Variants in ING5 observed in about 807,000 individuals in gnomAD.
ING5 encodes inhibitor of growth protein 5.
In ING5, 17 loss-of-function variants were observed where a neutral mutation model predicts 37.4. The ratio of observed to expected loss-of-function variants is 0.45; its 90% CI spans 0.31 to 0.68. ING5 has a LOEUF of 0.68. ING5 is among the 30% of genes least tolerant of loss of function. The pLI, the probability that ING5 is intolerant of heterozygous loss-of-function variation, is 0.05. For missense variants in ING5, 233 were observed against 311.9 expected, an observed-to-expected ratio of 0.75 and a Z score of 1.91; for synonymous variants, 123 against 116.6, an observed-to-expected ratio of 1.06 and a Z score of -0.36.
intron 2 of ING5, among the ~76,000 whole-genome samples, chr2:241,693,502 T>A (rs1195022573): frequency 6.6e-6 from 1 of 151,850 alleles, no homozygotes; most frequent in Non-Finnish European, 1.5e-5. Context: ...GACATACCCC[T>A]TGTTGCAACC....
At chr2:241,707,493 T>C (rs190775332) in intron 2 of ING5, among the ~76,000 whole-genome samples, 1 of 151,542 alleles carries the variant, frequency 6.6e-6, no homozygotes, top group Non-Finnish European at 1.5e-5. Flanking sequence ...GGTTTCTCCA[T>C]GTTGGTCAGG....
intron 5 of ING5, among the ~76,000 whole-genome samples, chr2:241,717,130 A>G (rs1217049820): frequency 6.7e-6 from 1 of 149,378 alleles, no homozygotes; most frequent in Non-Finnish European, 1.5e-5. Context: ...GCTGGAGTGC[A>G]GTGGTGCGAT....
In ING5 at chr2:241,728,016, C is replaced by G. The variant is rs953988558; in HGVS notation, c.*2985C>G. On this transcript the variant is annotated 3_prime_UTR_variant, in exon 8 of 8. Coordinates refer to ENST00000313552, the MANE Select transcript of ING5 (RefSeq NM_032329.6). ...TTTTAATGTTTACTTTTGCCACTTA[C>G]AATAATATCACCAAAATAATATGCA... 2.6e-5 allele frequency: 4 copies of G among 152,238 alleles called. No homozygotes were observed. The highest frequency in any genetic ancestry group is 7.2e-5 in the African/African-American group (3 of 41,450). 9.4% of individuals were successfully genotyped at this position (152,238 alleles called of 1,614,324 possible).
At chr2:241,706,363 C>T (rs1484826962) in intron 2 of ING5, among the ~76,000 whole-genome samples, 1 of 152,048 alleles carries the variant, frequency 6.6e-6, no homozygotes, top group Non-Finnish European at 1.5e-5. Flanking sequence ...GGCACGGTGG[C>T]TCATGCCTGT....
chr2:241,722,910 C>T, intron 5 of ING5, 29 bp from the exon 6 acceptor site: 1 of 1,612,368 alleles, frequency 6.2e-7, no homozygotes, highest in Non-Finnish European at 8.5e-7. Flanking sequence ...CCATGGCCTT[C>T]AGTGGTGCCT....
intron 2 of ING5, among the ~76,000 whole-genome samples, chr2:241,693,745 C>T (rs1172596158): frequency 1.3e-5 from 2 of 150,212 alleles, no homozygotes; most frequent in East Asian, 4.0e-4. Context: ...GCAACCTCCA[C>T]CTCCCAGGTT....
intron 2 of ING5, among the ~76,000 whole-genome samples, chr2:241,706,991 C>G (rs2124895247): frequency 7.6e-6 from 1 of 130,724 alleles, no homozygotes; most frequent in Middle Eastern, 5.2e-3. Flanking sequence ...TGGAGTTTCA[C>G]TCTTGTTGCC....
intron 7 of ING5, chr2:241,724,645 C>G: frequency 2.8e-6 from 1 of 352,198 alleles, no homozygotes; most frequent in East Asian, 5.9e-5. Context: ...TCAACGCGTG[C>G]TTGGTACCTG....
At position 241,721,619 on chromosome 2, in the gene ING5, T is replaced by C. The variant is rs542308441; in HGVS notation, c.483-1320T>C. The C allele has an allele frequency of 8.1e-6, 8 of 985,456 alleles. No homozygotes were observed. In the African/African-American group the frequency reaches 1.4e-4, roughly 17 times the overall value. The allele number at this position is 985,456 out of a possible 1,614,324, so 61.0% of individuals were successfully genotyped here. ...TGGCTTTCCCTGATCGTGACTGTTT[T>C]TCTCACGGCCACGTTCCTCCTGCTA... is the stretch of plus-strand genomic sequence containing the variant. On this transcript the variant is annotated intron_variant, in intron 5 of 7. Coordinates refer to ENST00000313552, the MANE Select transcript of ING5 (RefSeq NM_032329.6).
intron 5 of ING5, chr2:241,721,362 A>G: frequency 1.0e-6 from 1 of 985,492 alleles, no homozygotes; most frequent in Non-Finnish European, 1.2e-6. Flanking sequence ...CTCTAAAGAG[A>G]AACCCCTGTC....
In ING5 at chr2:241,712,050, A is replaced by G. The variant is rs2070127296; in HGVS notation, c.461A>G (p.Lys154Arg). 2 of 1,611,554 alleles carry G rather than the reference A, an allele frequency of 1.2e-6. No homozygotes were observed. Among genetic ancestry groups the G allele is most frequent in the Admixed American group, 3.4e-5 (2 of 59,446 alleles). ...AGGACATCAGAGGAAGACACACCAAAGAAAAAGAAGCACAAAGGAGGGTAA... is the reference window on the plus strand; with the variant it reads ...AGGACATCAGAGGAAGACACACCAAGGAAAAAGAAGCACAAAGGAGGGTAA... ...GRRTSEEDTP[K>R]KKKHKGGSEF... The change falls in exon 5 of 8, where the codon AAG becomes AGG. Residue 154 changes from lysine to arginine, a missense_variant. Coordinates refer to ENST00000313552, the MANE Select transcript of ING5 (RefSeq NM_032329.6).
rs536409600 is a variant in ING5 at position 241,727,285 on chromosome 2, TTGTGTGTGTG to T, written c.*2268_*2277del. ...ACTTAACTTTTTGTTAGCACAGGTTTTGTGTGTGTGTGTGTGTGTGTGTTTTGTTTTTTGT... is the reference window on the plus strand; with the variant it reads ...ACTTAACTTTTTGTTAGCACAGGTTTTGTGTGTGTGTGTTTTGTTTTTTGT... On this transcript the variant is annotated 3_prime_UTR_variant, in exon 8 of 8. Coordinates refer to ENST00000313552, the MANE Select transcript of ING5 (RefSeq NM_032329.6). 2.0e-4 allele frequency: 30 copies of T among 150,016 alleles called. No homozygotes were observed. The highest frequency in any genetic ancestry group is 7.1e-4 in the African/African-American group (29 of 40,848). 9.3% of individuals were successfully genotyped at this position (150,016 alleles called of 1,614,324 possible). A position where few individuals can be genotyped will look rare whatever the true frequency, so the allele number is the denominator to read the frequency against.
intron 3 of ING5, among the ~76,000 whole-genome samples, chr2:241,710,007 A>G (rs1281012848): frequency 2.6e-5 from 4 of 151,906 alleles, no homozygotes; most frequent in African/African-American, 9.7e-5. Flanking sequence ...CAGTGGTGTG[A>G]TCACGGCTCA....
At chr2:241,724,179 G>A (rs2124955461) in intron 7 of ING5, 1 of 613,134 alleles carries the variant, frequency 1.6e-6, no homozygotes. Context: ...GAGTTGGTAA[G>A]AGCCAGTTAT....
chr2:241,712,168 C>CAT, intron 5 of ING5, 97 bp downstream of exon 5: 2 of 971,304 alleles, frequency 2.1e-6, no homozygotes, highest in South Asian at 3.2e-5. Context: ...GAGTGAAGTG[C>CAT]ACCCCGTGTG....
upstream of ING5, among the ~76,000 whole-genome samples, chr2:241,701,601 A>G (rs892154835): frequency 1.3e-5 from 2 of 151,986 alleles, no homozygotes; most frequent in African/African-American, 4.8e-5. Context: ...TGAGCCAGAC[A>G]GGTCCCAAGG....
intron 2 of ING5, among the ~76,000 whole-genome samples, chr2:241,706,458 C>T (rs937429444): frequency 1.3e-4 from 20 of 151,618 alleles, no homozygotes; most frequent in East Asian, 7.8e-4. Context: ...GGAGAAACCC[C>T]GTCTCTACTA....
intron 4 of ING5, 101 bp from the exon 5 acceptor site, chr2:241,711,877 C>A: frequency 1.9e-6 from 2 of 1,073,260 alleles, no homozygotes; most frequent in Non-Finnish European, 2.7e-6. Context: ...CTCCAGCCAG[C>A]CTGGGAGACA....
chr2:241,706,443 G>T (rs971383769), intron 2 of ING5, among the ~76,000 whole-genome samples: 1 of 150,814 alleles, frequency 6.6e-6, no homozygotes, highest in Non-Finnish European at 1.5e-5. Flanking sequence ...CAGCCTGATC[G>T]ACATGGAGAA....
Sources: gnomAD v4.1 joint callset for allele counts (sites outside exome capture counted in the v4.1 genomes callset) on GRCh38, gnomAD v4.1.1 for gene constraint, MANE v1.5 for transcripts, NCBI Gene and HGNC (gene_info 2026-07-23, HGNC 2026-07-21) for gene names.